The following SNTG1 variants were observed in gnomAD, a reference collection of about 807,000 sequenced individuals.
The protein encoded by SNTG1 is syntrophin gamma 1.
In SNTG1, 39 loss-of-function variants were observed where a neutral mutation model predicts 74.7. The observed-to-expected ratio is 0.52, with a 90% CI of 0.40 to 0.68. The LOEUF is 0.68. SNTG1 is among the 30% of genes least tolerant of loss of function. SNTG1 has a pLI of 0.00. For synonymous variants in SNTG1, 254 were observed against 217.1 expected (o/e 1.17, Z -1.49); for missense variants, 685 against 609.5 (o/e 1.12, Z -1.30).
chr8:50,752,303 TTAAAA>T (rs1398545604), intron 18 of SNTG1, among the ~76,000 whole-genome samples, 192 bp downstream of exon 18: 2 of 152,012 alleles, frequency 1.3e-5, no homozygotes, highest in African/African-American at 4.8e-5. Flanking sequence ...AAGGCAGCAC[TTAAAA>T]TAAATTACAC....
At chr8:49,952,364 A>G (rs1045645657) in intron 1 of SNTG1, among the ~76,000 whole-genome samples, 1 of 152,198 alleles carries the variant, frequency 6.6e-6, no homozygotes, top group Non-Finnish European at 1.5e-5. Flanking sequence ...TCTAAGGGTG[A>G]GAACCGAAGA....
chr8:50,543,360 T>C (rs1381718722), intron 11 of SNTG1, among the ~76,000 whole-genome samples: 1 of 152,190 alleles, frequency 6.6e-6, no homozygotes, highest in Non-Finnish European at 1.5e-5. Context: ...TTGCCACCTT[T>C]GTTGAATGTG....
intron 8 of SNTG1, among the ~76,000 whole-genome samples, chr8:50,493,661 C>T (rs1013662204): frequency 6.6e-6 from 1 of 151,620 alleles, no homozygotes; most frequent in Non-Finnish European, 1.5e-5. Flanking sequence ...ATTTAAGATA[C>T]AGCTTCTAAG....
At chr8:49,996,688 C>A (rs1814252794) in intron 1 of SNTG1, among the ~76,000 whole-genome samples, 1 of 152,018 alleles carries the variant, frequency 6.6e-6, no homozygotes, top group African/African-American at 2.4e-5. Context: ...GATAGATATG[C>A]CAACACTTTT....
At chr8:50,324,518 C>A (rs899052731) in intron 2 of SNTG1, among the ~76,000 whole-genome samples, 1 of 152,104 alleles carries the variant, frequency 6.6e-6, no homozygotes, top group Admixed American at 6.6e-5. Flanking sequence ...AGCATGTGGT[C>A]GGGGTAGGAG....
chr8:50,443,050 T>C (rs765111217), intron 5 of SNTG1, among the ~76,000 whole-genome samples: 6 of 152,212 alleles, frequency 3.9e-5, no homozygotes, highest in Non-Finnish European at 8.8e-5. Flanking sequence ...TAAATAACTT[T>C]AATAGTTTCC....
intron 2 of SNTG1, among the ~76,000 whole-genome samples, chr8:50,243,898 G>A (rs2086275170): frequency 6.6e-6 from 1 of 152,130 alleles, no homozygotes; most frequent in African/African-American, 2.4e-5. Flanking sequence ...AGAAGACTGA[G>A]GAATCGACCT....
chr8:50,780,511 C>A lies in SNTG1; in HGVS notation c.1396-12160C>A, dbSNP rs1414839589. Among the ~76,000 whole-genome samples, 3 of 152,186 alleles carry A rather than the reference C, an allele frequency of 2.0e-5. No homozygotes were observed. In the East Asian group the frequency reaches 5.8e-4, roughly 29 times the overall value. On this transcript the variant is annotated intron_variant, in intron 18 of 18. Transcript: ENST00000642720. ...TGCATAGAGGTGTTTGTAGTATTCT[C>A]TGATGGTAGTTTGTATTTCTGTGGG...
chr8:50,059,601 G>A (rs1225313584), intron 1 of SNTG1, among the ~76,000 whole-genome samples: 4 of 151,960 alleles, frequency 2.6e-5, no homozygotes, highest in East Asian at 3.9e-4. Flanking sequence ...TGCAATATGC[G>A]ACTTTTGTGA....
At chr8:50,677,624 A>C (rs890532231) in intron 15 of SNTG1, among the ~76,000 whole-genome samples, 1 of 151,996 alleles carries the variant, frequency 6.6e-6, no homozygotes, top group Admixed American at 6.6e-5. Context: ...AAATTTACAT[A>C]GTATATGATT....
chr8:50,044,766 A>G (rs1818938847), intron 1 of SNTG1, among the ~76,000 whole-genome samples: 1 of 152,178 alleles, frequency 6.6e-6, no homozygotes, highest in African/African-American at 2.4e-5. Context: ...ACATTGTTTC[A>G]TCATATTTGC....
intron 2 of SNTG1, among the ~76,000 whole-genome samples, chr8:50,293,107 T>C (rs192329812): frequency 2.0e-5 from 3 of 151,878 alleles, no homozygotes; most frequent in East Asian, 1.9e-4. Context: ...GAATTCATTA[T>C]AGAATTGGGA....
chr8:50,006,747 C>T (rs1379274828), intron 1 of SNTG1, among the ~76,000 whole-genome samples: 2 of 152,148 alleles, frequency 1.3e-5, no homozygotes, highest in East Asian at 3.9e-4. Context: ...ACTATGCAGG[C>T]CAGGTTGCTG....
At chr8:50,107,567 T>G (rs1563605839) in intron 1 of SNTG1, among the ~76,000 whole-genome samples, 1 of 143,110 alleles carries the variant, frequency 7.0e-6, no homozygotes, top group African/African-American at 2.5e-5. Context: ...TTTGTTTTTT[T>G]GTTTTTTTTG....
intron 1 of SNTG1, among the ~76,000 whole-genome samples, chr8:50,048,731 C>T (rs1819313001): frequency 1.3e-5 from 2 of 151,998 alleles, no homozygotes; most frequent in Non-Finnish European, 2.9e-5. Context: ...TATCATAAAC[C>T]TATTTTTTAT....
At chr8:50,153,794 G>A (rs563765281) in intron 1 of SNTG1, among the ~76,000 whole-genome samples, 1 of 152,318 alleles carries the variant, frequency 6.6e-6, no homozygotes, top group African/African-American at 2.4e-5. Context: ...CCAGCTGTAT[G>A]AGGTGTCAGT....
chr8:50,550,684 A>AGTGTGTGTGTGTGTGTGT, intron 11 of SNTG1, among the ~76,000 whole-genome samples: 2 of 145,452 alleles, frequency 1.4e-5, no homozygotes, highest in African/African-American at 5.3e-5. Flanking sequence ...AATTTTTTTT[A>AGTGTGTGTGTGTGTGTGT]GTGTGTGTGT....
chr8:50,041,180 G>C (rs555278821), intron 1 of SNTG1, among the ~76,000 whole-genome samples: 2 of 152,268 alleles, frequency 1.3e-5, no homozygotes, highest in Middle Eastern at 6.8e-3. Context: ...ACAGGCGTGA[G>C]CCACCACACC....
At chr8:50,051,003 TA>T (rs1271446904) in intron 1 of SNTG1, among the ~76,000 whole-genome samples, 1 of 152,026 alleles carries the variant, frequency 6.6e-6, no homozygotes, top group East Asian at 1.9e-4. Context: ...TTCAACTTGA[TA>T]AAAGGCATCT....
Sources: gnomAD v4.1 joint callset for allele counts (sites outside exome capture counted in the v4.1 genomes callset) on GRCh38, gnomAD v4.1.1 for gene constraint, MANE v1.5 for transcripts, NCBI Gene and HGNC (gene_info 2026-07-23, HGNC 2026-07-21) for gene names.